Variants in SIRPA observed in about 807,000 individuals in gnomAD.
SIRPA encodes the protein tyrosine-protein phosphatase non-receptor type substrate 1.
Under a neutral mutation model 50.3 loss-of-function variants are expected in SIRPA, and 9 were observed. The ratio of observed to expected loss-of-function variants is 0.18; its 90% CI spans 0.11 to 0.31. The LOEUF is 0.31. Ranked by LOEUF, SIRPA falls within the 10% of genes least tolerant of loss-of-function variation. The pLI is 1.00. For synonymous variants in SIRPA, 265 were observed against 284.1 expected (o/e 0.93, Z 0.68); for missense variants, 474 against 661.6 (o/e 0.72, Z 3.11).
At chr20:1,895,153 T>G, upstream of SIRPA, 2 of 274,902 alleles carry the variant, frequency 7.3e-6, no homozygotes, top group Non-Finnish European at 6.7e-6. Flanking sequence ...CTGGCTCCCT[T>G]GGGTCTGTTT....
intron 1 of SIRPA, among the ~76,000 whole-genome samples, chr20:1,903,488 G>A (rs1052183143): frequency 1.3e-5 from 2 of 152,094 alleles, no homozygotes; most frequent in African/African-American, 2.4e-5. Context: ...TGCCCCCTTC[G>A]GGCTCTTCAC....
Position 1,924,900 on chromosome 20 carries a change from C to G in SIRPA, c.1201+23C>G. ...AAGGTGGGTGCATTCCCCTCTTCCTCCCTAAGGGTTTGTCCCTGGACTGTC... is the reference window on the plus strand; with the variant it reads ...AAGGTGGGTGCATTCCCCTCTTCCTGCCTAAGGGTTTGTCCCTGGACTGTC... On this transcript the variant is annotated intron_variant, in intron 5 of 7. Coordinates refer to ENST00000358771, the MANE Select transcript of SIRPA (RefSeq NM_001040023.2). This position sits in a 1 kb window ranked among gnomAD's most constrained non-coding sequence, Gnocchi z 4.5. 2 of 1,584,806 alleles carry G rather than the reference C, an allele frequency of 1.3e-6. No individual in the cohort carries two copies. The highest frequency in any genetic ancestry group is 1.7e-6 in the Non-Finnish European group (2 of 1,153,258).
intron 1 of SIRPA, among the ~76,000 whole-genome samples, chr20:1,913,331 C>T (rs1985016642): frequency 6.6e-6 from 1 of 152,182 alleles, no homozygotes; most frequent in African/African-American, 2.4e-5. Flanking sequence ...GGCAGATAGC[C>T]CTGGGCTTCC....
Position 1,927,912 on chromosome 20 carries a change from T to C in SIRPA, c.1226+13T>C, listed in dbSNP as rs1256065560. On this transcript the variant is annotated intron_variant, in intron 6 of 7. Transcript: ENST00000358771. The surrounding 1 kb of genome is among the most constrained non-coding windows in gnomAD (Gnocchi z 6.5). ...CTTCTTCTACAAGGTAAGTGCATCATTGGTCCAGACCCTCTTGCAGTTATT... is the reference window on the plus strand; with the variant it reads ...CTTCTTCTACAAGGTAAGTGCATCACTGGTCCAGACCCTCTTGCAGTTATT... The C allele has an allele frequency of 8.1e-6, 13 of 1,612,168 alleles. No individual in the cohort carries two copies. Among genetic ancestry groups the C allele is most frequent in the South Asian group, 1.1e-5 (1 of 91,046 alleles).
chr20:1,911,277 C>T (rs905520588), intron 1 of SIRPA, among the ~76,000 whole-genome samples: 34 of 149,566 alleles, frequency 2.3e-4, no homozygotes, highest in Admixed American at 2.1e-3. Context: ...TTCTTAGTTA[C>T]CTAAAGGTAT....
In SIRPA at chr20:1,895,521, G is replaced by C; in HGVS notation, c.74G>C (p.Trp25Ser). Residue 25 changes from tryptophan (W) to serine (S), a missense_variant, in exon 1 of 8, where the codon TGG (tryptophan) becomes TCG (serine). Trp to Ser is a radical substitution (Grantham distance 177). Around this residue, in one of 4 missense-constraint regions of SIRPA, gnomAD observed 72 missense variants for 76.2 expected, o/e 0.94. Transcript: ENST00000358771. The part of the protein sequence containing the change: ...LCLLLAASCA[W>S]SGVAGEEELQ... ...CTGCTGCTCGCCGCGTCCTGCGCCT[G>C]GTCAGGTAAGCACCCCCCCGCTCCC... is the stretch of plus-strand genomic sequence containing the variant. The C allele has an allele frequency of 2.1e-6, 3 of 1,458,556 alleles. No homozygotes were observed. The highest frequency in any genetic ancestry group is 2.7e-6 in the Non-Finnish European group (3 of 1,107,626). 90.4% of individuals were successfully genotyped at this position (1,458,556 alleles called of 1,614,324 possible).
intron 6 of SIRPA, among the ~76,000 whole-genome samples, chr20:1,930,167 C>T (rs868779026): frequency 3.9e-5 from 6 of 152,178 alleles, no homozygotes; most frequent in Admixed American, 1.3e-4. Context: ...GAGTGGGACC[C>T]CTCCTGTCAC....
Position 1,936,190 on chromosome 20 carries a change from C to T in SIRPA, c.1267-1130C>T, listed in dbSNP as rs77997248. Among the ~76,000 whole-genome samples, 7,422 of 152,150 alleles carry T rather than the reference C, an allele frequency of 0.049. 211 individuals are homozygous for T. The highest frequency in any genetic ancestry group is 0.088 in the South Asian group (423 of 4,826). ...GTGGTAGCTTTATTCTGTTCTATCA[C>T]GCAGGGGCCAGTCACAGAGGGAGCA... is the stretch of plus-strand genomic sequence containing the variant. On this transcript the variant is annotated intron_variant, in intron 7 of 7. Transcript: ENST00000358771. This position sits in a 1 kb window ranked among gnomAD's most constrained non-coding sequence, Gnocchi z 4.2.
chr20:1,912,610 A>G (rs1347482406), intron 1 of SIRPA, among the ~76,000 whole-genome samples: 1 of 152,258 alleles, frequency 6.6e-6, no homozygotes, highest in Admixed American at 6.5e-5. Context: ...TAATACAGCT[A>G]TGTGATAATA....
At chr20:1,900,386 C>T (rs1041608919) in intron 1 of SIRPA, among the ~76,000 whole-genome samples, 1 of 152,102 alleles carries the variant, frequency 6.6e-6, no homozygotes, top group Non-Finnish European at 1.5e-5. Context: ...ACCGCACCAC[C>T]CAGCTGTCCT....
Position 1,927,478 on chromosome 20 carries a change from C to T in SIRPA, c.1202-397C>T, listed in dbSNP as rs996414166. On this transcript the variant is annotated intron_variant, in intron 5 of 7. Coordinates refer to ENST00000358771, the MANE Select transcript of SIRPA (RefSeq NM_001040023.2). This position sits in a 1 kb window ranked among gnomAD's most constrained non-coding sequence, Gnocchi z 6.5. ...AGACCCGGGGTTCACACATGATCCC[C>T]GATTTGCAGCCCTGCTAGAATCTGT... Among the ~76,000 whole-genome samples the T allele has an allele frequency of 6.6e-6, 1 of 152,142 alleles. No homozygotes were observed. Among genetic ancestry groups the T allele is most frequent in the Non-Finnish European group, 1.5e-5 (1 of 68,016 alleles).
intron 1 of SIRPA, among the ~76,000 whole-genome samples, chr20:1,914,108 C>G (rs1031162867): frequency 1.3e-5 from 2 of 152,216 alleles, no homozygotes; most frequent in African/African-American, 4.8e-5. Context: ...ACAGCCACCT[C>G]CTTGTTTATT....
Position 1,903,866 on chromosome 20 carries a change from C to G in SIRPA, c.79+8340C>G, listed in dbSNP as rs576786490. Among the ~76,000 whole-genome samples, 6 of 152,276 alleles carry G rather than the reference C, an allele frequency of 3.9e-5. No homozygotes were observed. The East Asian group carries it at 1.2e-3, about 29-fold the overall frequency. On this transcript the variant is annotated intron_variant, in intron 1 of 7. Transcript: ENST00000358771. ...TGTTGCCTAGTGCTCCTAGCCCTTT[C>G]TATATTAATTCATTTCATTATTTCA...
intron 1 of SIRPA, among the ~76,000 whole-genome samples, chr20:1,907,244 C>G (rs954544971): frequency 1.2e-4 from 18 of 152,236 alleles, no homozygotes; most frequent in African/African-American, 4.1e-4. Context: ...TACCAGGCCA[C>G]ACGCATCCCC....
Position 1,937,637 on chromosome 20 carries a change from G to A in SIRPA, c.*69G>A, listed in dbSNP as rs1986668254. 5 of 1,570,260 alleles carry A rather than the reference G, an allele frequency of 3.2e-6. No individual in the cohort carries two copies. Among genetic ancestry groups the A allele is most frequent in the Admixed American group, 1.7e-5 (1 of 58,054 alleles). On this transcript the variant is annotated 3_prime_UTR_variant, in exon 8 of 8. Coordinates refer to ENST00000358771, the MANE Select transcript of SIRPA (RefSeq NM_001040023.2). The surrounding 1 kb of genome is among the most constrained non-coding windows in gnomAD (Gnocchi z 8.3). ...TTGTCCCACAGGGAGCCGCCGTGAT[G>A]AGCACAGCCAACCCAGTTCCCGGAG...
chr20:1,915,058 A>G (rs780197796), intron 1 of SIRPA, 41 bp from the exon 2 acceptor site: 22 of 1,368,730 alleles, frequency 1.6e-5, no homozygotes, highest in Non-Finnish European at 2.1e-5. Context: ...ACAGAGGATC[A>G]CGTAAGGATG....
chr20:1,925,303 C>G (rs1460697213), intron 5 of SIRPA, among the ~76,000 whole-genome samples: 1 of 152,206 alleles, frequency 6.6e-6, no homozygotes, highest in Non-Finnish European at 1.5e-5. Context: ...ATAATAGCGC[C>G]ACCATTTGAT....
intron 6 of SIRPA, among the ~76,000 whole-genome samples, chr20:1,930,900 T>C (rs557408278): frequency 6.6e-6 from 1 of 152,362 alleles, no homozygotes; most frequent in South Asian, 2.1e-4. Context: ...CTGTTGTCAT[T>C]ATTTTTTACT....
At position 1,939,187 on chromosome 20, in the gene SIRPA, A is replaced by G. The variant is rs559553245; in HGVS notation, c.*1619A>G. 1 of 152,338 alleles carries G rather than the reference A, an allele frequency of 6.6e-6. No homozygotes were observed. Among genetic ancestry groups the G allele is most frequent in the South Asian group, 2.1e-4 (1 of 4,834 alleles). 9.4% of individuals were successfully genotyped at this position (152,338 alleles called of 1,614,324 possible). ...AAGCCCTATTTATTCAGTCTTCACT[A>G]TAACTCTTAGAGTTGAGACGCTAAT... On this transcript the variant is annotated 3_prime_UTR_variant, in exon 8 of 8. Transcript: ENST00000358771. This position sits in a 1 kb window ranked among gnomAD's most constrained non-coding sequence, Gnocchi z 4.7.
Sources: gnomAD v4.1 joint callset for allele counts (sites outside exome capture counted in the v4.1 genomes callset) on GRCh38, gnomAD v4.1.1 for gene constraint, gnomAD v4.1.1 regional missense constraint, Gnocchi (gnomAD v3.1) non-coding constraint, MANE v1.5 for transcripts, NCBI Gene and HGNC (gene_info 2026-07-23, HGNC 2026-07-21) for gene names.